The following ZMYM2 variants were observed in gnomAD, a reference collection of about 807,000 sequenced individuals.
ZMYM2 encodes the protein zinc finger MYM-type containing 2.
Under a neutral mutation model 162.8 loss-of-function variants are expected in ZMYM2, and 56 were observed. The ratio of observed to expected loss-of-function variants is 0.34; its 90% confidence interval spans 0.28 to 0.43. The LOEUF is 0.43. ZMYM2 is among the 20% of genes least tolerant of loss of function. The pLI, the probability that ZMYM2 is intolerant of heterozygous loss-of-function variation, is 1.00. For missense variants in ZMYM2, 1,275 were observed against 1,621.8 expected (o/e 0.79, Z 3.67); for synonymous variants, 510 against 541.6 (o/e 0.94, Z 0.81).
intron 12 of ZMYM2, among the ~76,000 whole-genome samples, chr13:20,046,360 A>G (rs1954779079): frequency 6.6e-6 from 1 of 151,750 alleles, no homozygotes; most frequent in African/African-American, 2.4e-5. Context: ...CAGCCTGGGC[A>G]ATACAGCAAG....
Position 20,052,346 on chromosome 13 carries a change from T to A in ZMYM2, c.2493+35T>A, listed in dbSNP as rs761309733. The A allele has an allele frequency of 1.0e-5, 16 of 1,548,458 alleles. No homozygotes were observed. In the South Asian group the frequency reaches 1.8e-4, roughly 18 times the overall value. ...GGTGAAATGGAGTGCTGAATTGTGA[T>A]TTTTGTAATATGGGGTAAAAAATAA... On this transcript the variant is annotated intron_variant, in intron 14 of 24. Transcript: ENST00000610343.
chr13:19,952,582 C>T, the ZMYM2 span, among the ~76,000 whole-genome samples: 1 of 152,052 alleles, frequency 6.6e-6, no homozygotes, highest in South Asian at 2.1e-4. Context: ...CCAATGTGAA[C>T]TGGTAAGGAA....
At chr13:20,031,551 AT>A (rs533544542) in intron 10 of ZMYM2, 116 bp downstream of exon 10, 411 of 651,514 alleles carry the variant, frequency 6.3e-4, no homozygotes, top group East Asian at 7.7e-4. Context: ...TGCTTTTCAG[AT>A]TTTTTTTTAT....
chr13:19,964,709 G>A (rs889494000), intron 2 of ZMYM2, among the ~76,000 whole-genome samples: 1 of 151,770 alleles, frequency 6.6e-6, no homozygotes, highest in African/African-American at 2.4e-5. Context: ...TTTTTCAGAG[G>A]GTTCCAGATT....
chr13:19,900,687 T>C, the ZMYM2 span, among the ~76,000 whole-genome samples: 1 of 152,066 alleles, frequency 6.6e-6, no homozygotes, highest in Non-Finnish European at 1.5e-5. Context: ...ATCCTCAACT[T>C]GATGTAGTGT....
chr13:19,883,944 A>ACCC, the ZMYM2 span, among the ~76,000 whole-genome samples: 13 of 152,306 alleles, frequency 8.5e-5, no homozygotes, highest in East Asian at 1.9e-3. Flanking sequence ...TTTAGTACAG[A>ACCC]CGGGGTTTCA....
At chr13:19,934,246 T>A in the ZMYM2 span, among the ~76,000 whole-genome samples, 30 of 152,144 alleles carry the variant, frequency 2.0e-4, no homozygotes, top group African/African-American at 6.8e-4. Context: ...CTGCAACCTC[T>A]GCCTCCTGGG....
At chr13:19,908,852 A>C in the ZMYM2 span, among the ~76,000 whole-genome samples, 9 of 152,324 alleles carry the variant, frequency 5.9e-5, no homozygotes, top group African/African-American at 1.9e-4. Flanking sequence ...CTGACTACCC[A>C]GAGAGAATGT....
Position 20,022,036 on chromosome 13 carries a change from G to T in ZMYM2, c.1584+2418G>T, listed in dbSNP as rs141059237. On this transcript the variant is annotated intron_variant, in intron 7 of 24. Transcript: ENST00000610343. Reference sequence around the variant, plus strand: ...AGCTACTTCTAGGCCTCAAGCTTTGGCAGCCACAGGACTCACTTGATTTGT... The same window carrying T: ...AGCTACTTCTAGGCCTCAAGCTTTGTCAGCCACAGGACTCACTTGATTTGT... Among the ~76,000 whole-genome samples, 1,026 of 152,176 alleles carry T rather than the reference G, an allele frequency of 6.7e-3. 15 individuals carry two copies. Among genetic ancestry groups the T allele is most frequent in the African/African-American group, 0.021 (889 of 41,516 alleles).
chr13:19,884,159 T>C, the ZMYM2 span, among the ~76,000 whole-genome samples: 1 of 152,058 alleles, frequency 6.6e-6, no homozygotes, highest in South Asian at 2.1e-4. Flanking sequence ...CTTGAGCTTA[T>C]GAGTTTTACA....
the ZMYM2 span, among the ~76,000 whole-genome samples, chr13:19,926,236 C>T: frequency 1.3e-5 from 2 of 151,564 alleles, no homozygotes; most frequent in Non-Finnish European, 2.9e-5. Context: ...GCTGTGATTA[C>T]AGGCATGAGT....
At chr13:20,075,115 G>A (rs187704489) in intron 21 of ZMYM2, among the ~76,000 whole-genome samples, 224 of 152,254 alleles carry the variant, frequency 1.5e-3, no homozygotes, top group Non-Finnish European at 5.7e-4. Flanking sequence ...CCAGAAATCA[G>A]TGCTGTTTAA....
intron 2 of ZMYM2, among the ~76,000 whole-genome samples, chr13:19,977,212 G>GA (rs149065140): frequency 0.1 from 15,422 of 151,964 alleles, 1,288 homozygotes; most frequent in African/African-American, 0.22. Context: ...ATTGAGATGG[G>GA]ATCTCACTTT....
At chr13:19,883,835 C>G in the ZMYM2 span, among the ~76,000 whole-genome samples, 22 of 152,304 alleles carry the variant, frequency 1.4e-4, no homozygotes, top group African/African-American at 4.1e-4. Context: ...CGCCTCACGG[C>G]AACCCCCACC....
intron 2 of ZMYM2, among the ~76,000 whole-genome samples, chr13:19,978,471 C>CA (rs750329646): frequency 3.2e-4 from 49 of 151,814 alleles, no homozygotes; most frequent in Non-Finnish European, 6.5e-4. Context: ...GGCTGGAGGG[C>CA]AATGGTGCAA....
At chr13:19,903,199 G>A in the ZMYM2 span, among the ~76,000 whole-genome samples, 1 of 151,996 alleles carries the variant, frequency 6.6e-6, no homozygotes, top group Non-Finnish European at 1.5e-5. Context: ...TGGGCATGGT[G>A]GCATGCACCT....
At chr13:20,061,028 A>T (rs1266173111) in intron 16 of ZMYM2, 25 bp from the exon 17 acceptor site, 3 of 1,590,078 alleles carry the variant, frequency 1.9e-6, no homozygotes, top group African/African-American at 2.7e-5. Flanking sequence ...TAGTAAACCT[A>T]ACTCAAAATG....
chr13:19,884,648 C>T, the ZMYM2 span, among the ~76,000 whole-genome samples: 3 of 152,140 alleles, frequency 2.0e-5, no homozygotes, highest in East Asian at 1.9e-4. Flanking sequence ...TAGTTTGGTC[C>T]TTCCGGTGTG....
At chr13:20,019,105 AC>A (rs376874397) in intron 6 of ZMYM2, among the ~76,000 whole-genome samples, 301 of 134,978 alleles carry the variant, frequency 2.2e-3, no homozygotes, top group South Asian at 8.4e-3. Flanking sequence ...AACAACAACA[AC>A]AAAAAAAAAC....
Sources: gnomAD v4.1 joint callset for allele counts (sites outside exome capture counted in the v4.1 genomes callset) on GRCh38, gnomAD v4.1.1 for gene constraint, MANE v1.5 for transcripts, NCBI Gene and HGNC (gene_info 2026-07-23, HGNC 2026-07-21) for gene names.